SLC5A3: variants seen among roughly 807,000 people sequenced by gnomAD.
The protein encoded by SLC5A3 is sodium/myo-inositol cotransporter.
In SLC5A3, 10 loss-of-function variants were observed where a neutral mutation model predicts 43.2. That is an observed-to-expected ratio of 0.23 (90% CI 0.14 to 0.39). The LOEUF (loss-of-function observed/expected upper bound fraction) is 0.39, where lower values mean the gene tolerates loss of function less well. Ranked by LOEUF, SLC5A3 falls within the 10% of genes least tolerant of loss-of-function variation. The pLI is 1.00. For synonymous variants in SLC5A3, 349 were observed against 322.0 expected (o/e 1.08, Z -0.90); for missense variants, 608 against 893.4 (o/e 0.68, Z 4.07).
At position 34,096,759 on chromosome 21, in the gene SLC5A3, G is replaced by A; in HGVS notation, c.1561G>A (p.Val521Ile). Residue 521 changes from valine to isoleucine, a missense_variant, in exon 2 of 2, where the codon GTC becomes ATC. This residue lies in a region of SLC5A3 where 398 missense variants were observed against 668.6 expected (regional missense o/e 0.60). Coordinates refer to ENST00000381151, the MANE Select transcript of SLC5A3 (RefSeq NM_006933.7). This position sits in a 1 kb window ranked among gnomAD's most constrained non-coding sequence, Gnocchi z 5.9. The stretch of plus-strand genomic sequence containing the variant: ...GTATGTGGCCACAGGATTGTTTTGG[G>A]TCACGGGACTCATTACTGTAATTGT... ...YMYVATGLFW[V>I]TGLITVIVSL... The A allele has an allele frequency of 1.9e-6, 3 of 1,614,010 alleles. No individual in the cohort carries two copies. The highest frequency in any genetic ancestry group is 2.5e-6 in the Non-Finnish European group (3 of 1,179,976).
chr21:34,099,763 G>A lies in SLC5A3; in HGVS notation c.*2408G>A. On this transcript the variant is annotated 3_prime_UTR_variant, in exon 2 of 2. Coordinates refer to ENST00000381151, the MANE Select transcript of SLC5A3 (RefSeq NM_006933.7). ...GGTCAAGTTTAGAGTACTAAAGTCT[G>A]TAAATAAGGAATGACTATTAGCATA... 1 of 942,796 alleles carries A rather than the reference G, an allele frequency of 1.1e-6. No homozygotes were observed. Among genetic ancestry groups the A allele is most frequent in the Non-Finnish European group, 1.3e-6 (1 of 778,360 alleles). The allele number at this position is 942,796 out of a possible 1,614,324, so 58.4% of individuals were successfully genotyped here.
Position 34,097,701 on chromosome 21 carries a change from G to T in SLC5A3, c.*346G>T. ...TATACTGTCTGCACTGCCAAGTCTT[G>T]GCAGACCTTACCCTGAAGTAGAAGA... On this transcript the variant is annotated 3_prime_UTR_variant, in exon 2 of 2. Coordinates refer to ENST00000381151, the MANE Select transcript of SLC5A3 (RefSeq NM_006933.7). The T allele has an allele frequency of 9.8e-7, 1 of 1,017,516 alleles. No homozygotes were observed. The highest frequency in any genetic ancestry group is 1.0e-4 in the East Asian group (1 of 9,586). 63.0% of individuals were successfully genotyped at this position (1,017,516 alleles called of 1,614,324 possible).
At chr21:34,074,762 G>A (rs16991163) in intron 1 of SLC5A3, among the ~76,000 whole-genome samples, 3,246 of 152,342 alleles carry the variant, frequency 0.021, 127 homozygotes, top group African/African-American at 0.073. Flanking sequence ...CGCTAGAGGA[G>A]TGGACGCATT....
Position 34,105,274 on chromosome 21 carries a change from A to G in SLC5A3, c.*7919A>G, listed in dbSNP as rs966669507. On this transcript the variant is annotated 3_prime_UTR_variant, in exon 2 of 2. Coordinates refer to ENST00000381151, the MANE Select transcript of SLC5A3 (RefSeq NM_006933.7). ...TTTGTCCAGACCCATGTTGGCAATC[A>G]TGTATGAACTGTGTTATACTTCTCA... 16 of 1,000,142 alleles carry G rather than the reference A, an allele frequency of 1.6e-5. No homozygotes were observed. Among genetic ancestry groups the G allele is most frequent in the Non-Finnish European group, 1.8e-5 (15 of 829,972 alleles). The allele number at this position is 1,000,142 out of a possible 1,614,324, so 62.0% of individuals were successfully genotyped here.
In SLC5A3 at chr21:34,096,454, T is replaced by G; in HGVS notation, c.1256T>G (p.Val419Gly). ...GGGAGGATATTTGTGGCATTTATGG[T>G]GGTGATCAGCATAGCATGGGTGCCA... ...IVGRIFVAFM[V>G]VISIAWVPII... The change falls in exon 2 of 2, where the codon GTG becomes GGG. Residue 419 changes from valine to glycine, a missense_variant. Transcript: ENST00000381151. This position sits in a 1 kb window ranked among gnomAD's most constrained non-coding sequence, Gnocchi z 5.9. 6.2e-7 allele frequency: 1 copy of G among 1,614,160 alleles called. No individual in the cohort carries two copies. Among genetic ancestry groups the G allele is most frequent in the Non-Finnish European group, 8.5e-7 (1 of 1,180,014 alleles).
chr21:34,081,013 A>G (rs1419292000), intron 1 of SLC5A3, among the ~76,000 whole-genome samples: 1 of 152,212 alleles, frequency 6.6e-6, no homozygotes, highest in Non-Finnish European at 1.5e-5. Context: ...AAATGAGTGC[A>G]AACCTTTGTT....
Position 34,104,915 on chromosome 21 carries a change from A to G in SLC5A3, c.*7560A>G. On this transcript the variant is annotated 3_prime_UTR_variant, in exon 2 of 2. Coordinates refer to ENST00000381151, the MANE Select transcript of SLC5A3 (RefSeq NM_006933.7). Reference sequence around the variant, plus strand: ...TTTGGCAGAAATGCCTTTCATCTATAATTTCATGGAGAACTGCTTTAATTA... The same window carrying G: ...TTTGGCAGAAATGCCTTTCATCTATGATTTCATGGAGAACTGCTTTAATTA... 1.0e-6 allele frequency: 1 copy of G among 1,000,164 alleles called. No homozygotes were observed. The highest frequency in any genetic ancestry group is 1.2e-6 in the Non-Finnish European group (1 of 829,880). The allele number at this position is 1,000,164 out of a possible 1,614,324, so 62.0% of individuals were successfully genotyped here. A position where few individuals can be genotyped will look rare whatever the true frequency, so the allele number is the denominator to read the frequency against.
In SLC5A3 at chr21:34,101,552, C is replaced by T; in HGVS notation, c.*4197C>T. 1.0e-6 allele frequency: 1 copy of T among 1,000,010 alleles called. No individual in the cohort carries two copies. The highest frequency in any genetic ancestry group is 1.2e-6 in the Non-Finnish European group (1 of 829,784). The allele number at this position is 1,000,010 out of a possible 1,614,324, so 61.9% of individuals were successfully genotyped here. A position where few individuals can be genotyped will look rare whatever the true frequency, so the allele number is the denominator to read the frequency against. On this transcript the variant is annotated 3_prime_UTR_variant, in exon 2 of 2. Coordinates refer to ENST00000381151, the MANE Select transcript of SLC5A3 (RefSeq NM_006933.7). Reference sequence around the variant, plus strand: ...TATGCCCACTTACCATTCAGAGAGACTGGTCTTTCTCTTTGTCTTCCTTCA... The same window carrying T: ...TATGCCCACTTACCATTCAGAGAGATTGGTCTTTCTCTTTGTCTTCCTTCA...
chr21:34,082,365 C>T (rs187421896), intron 1 of SLC5A3, among the ~76,000 whole-genome samples: 30 of 152,236 alleles, frequency 2.0e-4, no homozygotes, highest in African/African-American at 6.5e-4. Context: ...AGAGCTGCAC[C>T]GTGTAAACTG....
chr21:34,077,148 A>C, intron 1 of SLC5A3, among the ~76,000 whole-genome samples: 1 of 152,232 alleles, frequency 6.6e-6, no homozygotes, highest in African/African-American at 2.4e-5. Context: ...AAATGGTTGA[A>C]GCCCTTTGGT....
Position 34,095,860 on chromosome 21 carries a change from C to A in SLC5A3, c.662C>A (p.Ser221Ter). 1.2e-6 allele frequency: 2 copies of A among 1,614,062 alleles called. No homozygotes were observed. Among genetic ancestry groups the A allele is most frequent in the Non-Finnish European group, 1.7e-6 (2 of 1,179,986 alleles). ...GTTAAGAGAAGGTACATGTTGGCCT[C>A]ACCCGATGTCACTTCCATCTTATTG... Reference protein sequence around the residue: ...EEVKRRYMLASPDVTSILLTY... With the variant: ...EEVKRRYMLA Residue 221 changes from serine (S) to a stop codon, truncating the protein, a stop_gained, in exon 2 of 2, where the codon TCA becomes TAA. Transcript: ENST00000381151. LOFTEE classifies it high-confidence loss of function.
rs1046065777 is a variant in SLC5A3, at chr21:34,102,741, G to T, written c.*5386G>T. On this transcript the variant is annotated 3_prime_UTR_variant, in exon 2 of 2. Transcript: ENST00000381151. ...AAAACACAGTGGTCTCAGATTTTTC[G>T]TAGTGTGGGAACAGTGGTTTTGCTC... 1 of 1,000,024 alleles carries T rather than the reference G, an allele frequency of 1.0e-6. No homozygotes were observed. Among genetic ancestry groups the T allele is most frequent in the Admixed American group, 6.2e-5 (1 of 16,240 alleles). 61.9% of individuals were successfully genotyped at this position (1,000,024 alleles called of 1,614,324 possible).
At position 34,102,880 on chromosome 21, in the gene SLC5A3, AGTGAATTC is replaced by A. The variant is rs1979310856; in HGVS notation, c.*5527_*5534del. 3.0e-6 allele frequency: 3 copies of A among 999,828 alleles called. No individual in the cohort carries two copies. The highest frequency in any genetic ancestry group is 9.4e-5 in the South Asian group (2 of 21,292). 61.9% of individuals were successfully genotyped at this position (999,828 alleles called of 1,614,324 possible). A position where few individuals can be genotyped will look rare whatever the true frequency, so the allele number is the denominator to read the frequency against. On this transcript the variant is annotated 3_prime_UTR_variant, in exon 2 of 2. Coordinates refer to ENST00000381151, the MANE Select transcript of SLC5A3 (RefSeq NM_006933.7). ...TATCAATAAGAGGAATACATATTACAGTGAATTCGACAACCGCACAAGTTGGCAGTAGG... is the reference window on the plus strand; with the variant it reads ...TATCAATAAGAGGAATACATATTACAGACAACCGCACAAGTTGGCAGTAGG...
In SLC5A3 at chr21:34,097,959, A is replaced by G. The variant is rs1358193151; in HGVS notation, c.*604A>G. ...GTAGGTATTTTTGTACCACCAGTATATGGAATGTTAGGGAAAAACTTTGTT... is the reference window on the plus strand; with the variant it reads ...GTAGGTATTTTTGTACCACCAGTATGTGGAATGTTAGGGAAAAACTTTGTT... On this transcript the variant is annotated 3_prime_UTR_variant, in exon 2 of 2. Transcript: ENST00000381151. 13 of 995,360 alleles carry G rather than the reference A, an allele frequency of 1.3e-5. 1 individual carries two copies. In the South Asian group the frequency reaches 5.2e-4, roughly 40 times the overall value. 61.7% of individuals were successfully genotyped at this position (995,360 alleles called of 1,614,324 possible). A position where few individuals can be genotyped will look rare whatever the true frequency, so the allele number is the denominator to read the frequency against.
Position 34,073,617 on chromosome 21 carries a change from A to G in SLC5A3, c.-465A>G, listed in dbSNP as rs939437058. 1.4e-5 allele frequency: 17 copies of G among 1,228,856 alleles called. No individual in the cohort carries two copies. The highest frequency in any genetic ancestry group is 6.5e-5 in the South Asian group (5 of 76,760). 76.1% of individuals were successfully genotyped at this position (1,228,856 alleles called of 1,614,324 possible). ...GGAGCCGTCCGGCGCAGCAGTTTCT[A>G]GGTCCCCACTGTCCCCGCCGTCCCG... On this transcript the variant is annotated 5_prime_UTR_variant, in exon 1 of 2. Coordinates refer to ENST00000381151, the MANE Select transcript of SLC5A3 (RefSeq NM_006933.7).
At chr21:34,082,295 A>G (rs751106936) in intron 1 of SLC5A3, among the ~76,000 whole-genome samples, 23 of 152,168 alleles carry the variant, frequency 1.5e-4, no homozygotes, top group Non-Finnish European at 3.4e-4. Flanking sequence ...GAAAGTATCT[A>G]TAGTTTCGGA....
At chr21:34,086,387 T>C (rs1250790794) in intron 1 of SLC5A3, among the ~76,000 whole-genome samples, 1 of 152,202 alleles carries the variant, frequency 6.6e-6, no homozygotes, top group East Asian at 1.9e-4. Flanking sequence ...CTGAAAATTG[T>C]AGCATCCCTG....
chr21:34,105,992 T>TA lies in SLC5A3; in HGVS notation c.*8638dup. On this transcript the variant is annotated 3_prime_UTR_variant, in exon 2 of 2. Transcript: ENST00000381151. ...TGGTTTCATGTGTTTTTGAAAGTGTTATTGTTTAAAAAATGAAAAAAGCAT... is the reference window on the plus strand; with the variant it reads ...TGGTTTCATGTGTTTTTGAAAGTGTTAATTGTTTAAAAAATGAAAAAAGCAT... 1 of 995,248 alleles carries TA rather than the reference T, an allele frequency of 1.0e-6. No individual in the cohort carries two copies. The highest frequency in any genetic ancestry group is 1.2e-6 in the Non-Finnish European group (1 of 825,378). The allele number at this position is 995,248 out of a possible 1,614,324, so 61.7% of individuals were successfully genotyped here. A position where few individuals can be genotyped will look rare whatever the true frequency, so the allele number is the denominator to read the frequency against.
chr21:34,096,398 G>T lies in SLC5A3; in HGVS notation c.1200G>T (p.Lys400Asn). ...TCGATGTGTACAAACTTATCCGCAA[G>T]AGCGCAAGCTCCCGGGAGTTAATGA... ...FTLDVYKLIR[K>N]SASSRELMIV... Residue 400 changes from lysine to asparagine, a missense_variant, in exon 2 of 2, where the codon AAG (lysine) becomes AAT (asparagine). By Grantham distance (94) the Lys-to-Asn change is moderately conservative. Around this residue, in one of 2 missense-constraint regions of SLC5A3, gnomAD observed 398 missense variants for 668.6 expected, o/e 0.60. Transcript: ENST00000381151. The surrounding 1 kb of genome is among the most constrained non-coding windows in gnomAD (Gnocchi z 5.9). 1 of 1,614,206 alleles carries T rather than the reference G, an allele frequency of 6.2e-7. No homozygotes were observed. Among genetic ancestry groups the T allele is most frequent in the South Asian group, 1.1e-5 (1 of 91,074 alleles).
Sources: allele counts gnomAD v4.1 joint callset (sites outside exome capture counted in the v4.1 genomes callset), GRCh38; gene constraint gnomAD v4.1.1; regional missense constraint gnomAD v4.1.1; non-coding constraint Gnocchi (gnomAD v3.1); transcripts MANE v1.5; gene names NCBI Gene and HGNC (gene_info 2026-07-23, HGNC 2026-07-21).